TSPAN18: variants seen among roughly 807,000 people sequenced by gnomAD.
The protein encoded by TSPAN18 is tetraspanin-18.
Under a neutral mutation model 27.3 loss-of-function variants are expected in TSPAN18, and 14 were observed. The observed-to-expected ratio is 0.51, with a 90% confidence interval of 0.34 to 0.80. The LOEUF (loss-of-function observed/expected upper bound fraction) is 0.80. TSPAN18 is among the 30% of genes least tolerant of loss of function. The pLI, the probability that TSPAN18 is intolerant of heterozygous loss-of-function variation, is 0.01. For synonymous variants in TSPAN18, 143 were observed against 136.5 expected (o/e 1.05, Z -0.33); for missense variants, 268 against 323.9 (o/e 0.83, Z 1.32).
chr11:44,898,925 G>T (rs559075084), intron 3 of TSPAN18, among the ~76,000 whole-genome samples: 5 of 152,144 alleles, frequency 3.3e-5, no homozygotes. Flanking sequence ...TGTTTTACAC[G>T]AAACAGTTGG....
chr11:44,818,055 A>AT (rs894191255), intron 2 of TSPAN18, among the ~76,000 whole-genome samples: 4 of 152,194 alleles, frequency 2.6e-5, no homozygotes, highest in Middle Eastern at 3.4e-3. Context: ...CAGAGTTCTG[A>AT]TTTTTTTCCA....
chr11:44,789,393 A>G (rs1373216566), intron 2 of TSPAN18, among the ~76,000 whole-genome samples: 2 of 152,226 alleles, frequency 1.3e-5, no homozygotes, highest in Non-Finnish European at 2.9e-5. Flanking sequence ...TCTGCCAAGA[A>G]AAAAGCTCTT....
intron 1 of TSPAN18, among the ~76,000 whole-genome samples, chr11:44,761,132 C>A (rs925170228): frequency 6.6e-6 from 1 of 152,156 alleles, no homozygotes; most frequent in East Asian, 1.9e-4. Flanking sequence ...TTTAGGATTT[C>A]AACCTGTGCC....
intron 1 of TSPAN18, among the ~76,000 whole-genome samples, chr11:44,730,146 G>T (rs76070413): frequency 0.024 from 3,586 of 152,218 alleles, 136 homozygotes; most frequent in African/African-American, 0.082. Context: ...GCAAAATCCT[G>T]CGTTGAGTGA....
chr11:44,894,878 C>T (rs967780405), intron 3 of TSPAN18, among the ~76,000 whole-genome samples: 13 of 152,178 alleles, frequency 8.5e-5, no homozygotes, highest in African/African-American at 3.1e-4. Flanking sequence ...GGTGCCACAC[C>T]CCACGGATAG....
At chr11:44,850,789 C>T (rs1472249667) in intron 2 of TSPAN18, among the ~76,000 whole-genome samples, 6 of 152,156 alleles carry the variant, frequency 3.9e-5, no homozygotes, top group Non-Finnish European at 2.9e-5. Context: ...GACCCTGACG[C>T]TTGTCCCAGT....
At chr11:44,913,516 T>C (rs987166270) in intron 5 of TSPAN18, among the ~76,000 whole-genome samples, 3 of 152,216 alleles carry the variant, frequency 2.0e-5, no homozygotes, top group African/African-American at 7.2e-5. Context: ...TATTTAAAAA[T>C]TCTAATTTTA....
chr11:44,767,675 T>C (rs1855599673), intron 2 of TSPAN18, among the ~76,000 whole-genome samples: 1 of 152,280 alleles, frequency 6.6e-6, no homozygotes, highest in Non-Finnish European at 1.5e-5. Context: ...TAAGAATCCA[T>C]TGCCAAATTC....
At chr11:44,882,627 C>CACACACACACACACACACACAG (rs375349718) in intron 3 of TSPAN18, among the ~76,000 whole-genome samples, 24 of 130,686 alleles carry the variant, frequency 1.8e-4, no homozygotes, top group African/African-American at 6.6e-4. Context: ...CACACACACA[C>CACACACACACACACACACACAG]AGAGAGAGAG....
chr11:44,844,068 C>A (rs1411108059), intron 2 of TSPAN18, among the ~76,000 whole-genome samples: 1 of 152,150 alleles, frequency 6.6e-6, no homozygotes, highest in Non-Finnish European at 1.5e-5. Flanking sequence ...GAAATCTTTA[C>A]AATTTATGTT....
chr11:44,846,569 G>C (rs1221361883), intron 2 of TSPAN18, among the ~76,000 whole-genome samples: 1 of 150,674 alleles, frequency 6.6e-6, no homozygotes, highest in South Asian at 2.1e-4. Flanking sequence ...TCTGCTCTGG[G>C]CTGGGCTCTT....
intron 7 of TSPAN18, chr11:44,919,524 G>A: frequency 1.6e-6 from 1 of 618,600 alleles, no homozygotes; most frequent in South Asian, 1.9e-5. Context: ...CCTGTCTTGG[G>A]TCCCCAAGCA....
At chr11:44,878,775 A>G (rs1274619146) in intron 3 of TSPAN18, among the ~76,000 whole-genome samples, 3 of 152,256 alleles carry the variant, frequency 2.0e-5, no homozygotes, top group Non-Finnish European at 4.4e-5. Flanking sequence ...CAGGAGATTT[A>G]TAGTCAAATG....
chr11:44,842,107 G>C (rs1857386417), intron 2 of TSPAN18, among the ~76,000 whole-genome samples: 1 of 152,210 alleles, frequency 6.6e-6, no homozygotes, highest in South Asian at 2.1e-4. Context: ...CAGATCCTCA[G>C]ACTCCAGCTC....
intron 2 of TSPAN18, among the ~76,000 whole-genome samples, chr11:44,790,817 A>G (rs1212858761): frequency 2.0e-5 from 3 of 152,200 alleles, no homozygotes; most frequent in African/African-American, 7.2e-5. Context: ...GCTAATTCAC[A>G]GAGTCGGAGA....
intron 1 of TSPAN18, among the ~76,000 whole-genome samples, chr11:44,752,263 G>A (rs895928226): frequency 1.2e-4 from 18 of 152,200 alleles, no homozygotes; most frequent in Admixed American, 3.9e-4. Flanking sequence ...TGTTTTAACC[G>A]ATACAAGGAA....
chr11:44,743,689 C>T (rs548240025), intron 1 of TSPAN18, among the ~76,000 whole-genome samples: 27 of 152,358 alleles, frequency 1.8e-4, no homozygotes, highest in Admixed American at 1.1e-3. Context: ...GAGAGCAACA[C>T]GCAGACTCCC....
At chr11:44,800,043 G>A (rs1277671262) in intron 2 of TSPAN18, among the ~76,000 whole-genome samples, 1 of 126,278 alleles carries the variant, frequency 7.9e-6, no homozygotes, top group East Asian at 2.3e-4. Context: ...TTTTAGTAGA[G>A]ACAGGGTTTC....
intron 8 of TSPAN18, among the ~76,000 whole-genome samples, chr11:44,923,161 G>A (rs911698748): frequency 3.3e-5 from 5 of 152,188 alleles, no homozygotes; most frequent in Non-Finnish European, 7.4e-5. Context: ...GTGTCCAGTG[G>A]GCAGCTGGGT....
Sources: gnomAD v4.1 joint callset for allele counts (sites outside exome capture counted in the v4.1 genomes callset) on GRCh38, gnomAD v4.1.1 for gene constraint, MANE v1.5 for transcripts, NCBI Gene and HGNC (gene_info 2026-07-23, HGNC 2026-07-21) for gene names.